CCNA1: variants seen among roughly 807,000 people sequenced by gnomAD.
The protein encoded by CCNA1 is cyclin-A1.
CCNA1 carries 23 observed loss-of-function variants against 54.1 expected under a neutral mutation model. The ratio of observed to expected loss-of-function variants is 0.42; its 90% CI spans 0.31 to 0.60. The LOEUF is 0.60. Among genes scored for constraint, CCNA1 ranks in the 20% least tolerant of loss-of-function variants. CCNA1 has a pLI of 0.14. For missense variants in CCNA1, 450 were observed against 556.7 expected (o/e 0.81, Z 1.93); for synonymous variants, 208 against 213.9 (o/e 0.97, Z 0.24).
intron 6 of CCNA1, among the ~76,000 whole-genome samples, chr13:36,440,857 T>C (rs1408730585): frequency 2.0e-5 from 3 of 152,214 alleles, no homozygotes; most frequent in Admixed American, 2.0e-4. Context: ...ACCTAAACTA[T>C]TAGCATAAGA....
upstream of CCNA1, chr13:36,431,853 G>C (rs1365374945): frequency 1.3e-5 from 2 of 152,692 alleles, no homozygotes; most frequent in Non-Finnish European, 2.9e-5. Flanking sequence ...CAGCCCCGAG[G>C]ACCCCGCGTC....
In CCNA1 at chr13:36,432,577, C is replaced by T. The variant is rs1387754022; in HGVS notation, c.-45C>T. On this transcript the variant is annotated 5_prime_UTR_variant, in exon 1 of 9. Coordinates refer to ENST00000255465, the MANE Select transcript of CCNA1 (RefSeq NM_003914.4). ...CCAGGCAGGTTTTGGGGCCTCCTGT[C>T]TGGTGGGAGGAGGCCGCAGCGCAGC... 7.6e-7 allele frequency: 1 copy of T among 1,310,406 alleles called. No individual in the cohort carries two copies. The highest frequency in any genetic ancestry group is 1.5e-5 in the African/African-American group (1 of 67,634). 81.2% of individuals were successfully genotyped at this position (1,310,406 alleles called of 1,614,324 possible).
chr13:36,437,585 G>A lies in CCNA1; in HGVS notation c.298-44G>A, dbSNP rs1182407547. ...TCATGCAGGTTCACATTGCCTCTGT[G>A]GTCTTTGACGTGGCCTCTAACAAAA... is the stretch of plus-strand genomic sequence containing the variant. On this transcript the variant is annotated intron_variant, in intron 2 of 8. Coordinates refer to ENST00000255465, the MANE Select transcript of CCNA1 (RefSeq NM_003914.4). The A allele has an allele frequency of 3.1e-6, 5 of 1,595,712 alleles. No homozygotes were observed. The East Asian group carries it at 6.7e-5, about 21-fold the overall frequency.
At chr13:36,433,485 CT>C (rs1255754868) in intron 2 of CCNA1, among the ~76,000 whole-genome samples, 1 of 134,594 alleles carries the variant, frequency 7.4e-6, no homozygotes, top group African/African-American at 2.8e-5. Context: ...TTCCTTCTTT[CT>C]TTTTCTTTGT....
In CCNA1 at chr13:36,441,231, G is replaced by A; in HGVS notation, c.1212G>A (p.Trp404Ter). 6.4e-7 allele frequency: 1 copy of A among 1,568,100 alleles called. No homozygotes were observed. The highest frequency in any genetic ancestry group is 1.7e-5 in the Admixed American group (1 of 59,788). The change falls in exon 7 of 9, where the codon TGG (tryptophan) becomes TGA (stop). Residue 404 changes from tryptophan to a stop codon, truncating the protein, a stop_gained and splice_region_variant. Transcript: ENST00000255465. LOFTEE classifies it high-confidence loss of function. ...ACTATACTGTGAACAAGCACTTTTG[G>A]GTAAGATTCTAACTTCTTTCTAGAT...
chr13:36,440,801 G>T (rs1260769283), intron 6 of CCNA1, among the ~76,000 whole-genome samples: 1 of 152,172 alleles, frequency 6.6e-6, no homozygotes, highest in Non-Finnish European at 1.5e-5. Context: ...TAAAATCTCT[G>T]TTCCAATTCC....
Position 36,437,610 on chromosome 13 carries a change from A to G in CCNA1, c.298-19A>G, listed in dbSNP as rs1566171572. The G allele has an allele frequency of 6.2e-7, 1 of 1,611,904 alleles. No homozygotes were observed. Among genetic ancestry groups the G allele is most frequent in the African/African-American group, 1.3e-5 (1 of 74,912 alleles). On this transcript the variant is annotated intron_variant, in intron 2 of 8. Transcript: ENST00000255465. ...GGTCTTTGACGTGGCCTCTAACAAA[A>G]GATTTAAACGTTTTTTAGGGGATCA...
At chr13:36,433,581 G>A (rs1416065159) in intron 2 of CCNA1, among the ~76,000 whole-genome samples, 6 of 124,882 alleles carry the variant, frequency 4.8e-5, no homozygotes, top group Admixed American at 4.0e-4. Context: ...CGCTCTTGTC[G>A]CCAGGCTGGA....
rs1462960839 is a variant in CCNA1, at chr13:36,442,601, G to T, written c.1347-13G>T. 2.5e-6 allele frequency: 4 copies of T among 1,613,762 alleles called. No individual in the cohort carries two copies. Among genetic ancestry groups the T allele is most frequent in the African/African-American group, 1.3e-5 (1 of 75,010 alleles). ...CTTGGCTTGTGCTGACCTTGCTTTGGGTCTTGTTTCAGGTACCTGTGTGTG... is the reference window on the plus strand; with the variant it reads ...CTTGGCTTGTGCTGACCTTGCTTTGTGTCTTGTTTCAGGTACCTGTGTGTG... On this transcript the variant is annotated splice_polypyrimidine_tract_variant and intron_variant, in intron 8 of 8. Coordinates refer to ENST00000255465, the MANE Select transcript of CCNA1 (RefSeq NM_003914.4).
upstream of CCNA1, chr13:36,432,136 G>C (rs1284695724): frequency 1.3e-5 from 2 of 154,276 alleles, no homozygotes; most frequent in African/African-American, 4.8e-5. Flanking sequence ...AACGCCCAGG[G>C]GTCGCGGCGA....
rs773970722 is a variant in CCNA1 at position 36,438,671 on chromosome 13, A to C, written c.697A>C (p.Met233Leu). 13 of 1,613,994 alleles carry C rather than the reference A, an allele frequency of 8.1e-6. No individual in the cohort carries two copies. The highest frequency in any genetic ancestry group is 1.1e-5 in the Non-Finnish European group (13 of 1,179,974). ...AAGGCACAGACCCAAAGCACACTAC[A>C]TGAAGAAGCAGCCAGACATCACGGA... The change falls in exon 5 of 9, where the codon ATG (methionine) becomes CTG (leucine). Residue 233 changes from methionine (M) to leucine (L), a missense_variant. Around this residue, in one of 6 missense-constraint regions of CCNA1, gnomAD observed 150 missense variants for 219.7 expected, o/e 0.68. Coordinates refer to ENST00000255465, the MANE Select transcript of CCNA1 (RefSeq NM_003914.4).
rs76691530 is a variant in CCNA1, at chr13:36,434,834, C to T, written c.297+1613C>T. ...CTGCTGTCATGAGAGGTGCCCCCCC[C>T]CCCGCGCCATGCGTACAATATACTC... On this transcript the variant is annotated intron_variant, in intron 2 of 8. Coordinates refer to ENST00000255465, the MANE Select transcript of CCNA1 (RefSeq NM_003914.4). Among the ~76,000 whole-genome samples, 4 of 61,212 alleles carry T rather than the reference C, an allele frequency of 6.5e-5. No individual in the cohort carries two copies. The Admixed American group carries it at 6.8e-4, about 10-fold the overall frequency. 40.2% of individuals were successfully genotyped at this position (61,212 alleles called of 152,430 possible).
At chr13:36,433,580 C>T (rs1407438032) in intron 2 of CCNA1, among the ~76,000 whole-genome samples, 1 of 136,346 alleles carries the variant, frequency 7.3e-6, no homozygotes, top group Admixed American at 8.1e-5. Flanking sequence ...TCGCTCTTGT[C>T]GCCAGGCTGG....
Position 36,442,832 on chromosome 13 carries a change from G to C in CCNA1, c.*167G>C. ...TTAGACTTTAGTAGTTTGTAATATA[G>C]TCCAACATTTTTTAAACAATAAACT... is the stretch of plus-strand genomic sequence containing the variant. On this transcript the variant is annotated 3_prime_UTR_variant, in exon 9 of 9. Coordinates refer to ENST00000255465, the MANE Select transcript of CCNA1 (RefSeq NM_003914.4). The C allele has an allele frequency of 1.7e-6, 1 of 600,958 alleles. No homozygotes were observed. Among genetic ancestry groups the C allele is most frequent in the South Asian group, 2.3e-5 (1 of 43,872 alleles). The allele number at this position is 600,958 out of a possible 1,614,324, so 37.2% of individuals were successfully genotyped here. A position where few individuals can be genotyped will look rare whatever the true frequency, so the allele number is the denominator to read the frequency against.
intron 6 of CCNA1, among the ~76,000 whole-genome samples, chr13:36,440,736 C>G (rs1181329664): frequency 1.3e-5 from 2 of 152,174 alleles, no homozygotes; most frequent in Admixed American, 6.5e-5. Flanking sequence ...CTGGTGCTGT[C>G]CTAGTCTCTG....
chr13:36,437,529 G>T (rs945374315), intron 2 of CCNA1, 100 bp from the exon 3 acceptor site: 1 of 1,137,162 alleles, frequency 8.8e-7, no homozygotes. Flanking sequence ...AGTTTAGAAT[G>T]TATCTTACCT....
chr13:36,436,535 A>G (rs991860333), intron 2 of CCNA1, among the ~76,000 whole-genome samples: 1 of 152,252 alleles, frequency 6.6e-6, no homozygotes, highest in Non-Finnish European at 1.5e-5. Context: ...TATTAAATAT[A>G]TGTCCCAGCC....
In CCNA1 at chr13:36,442,297, G is replaced by T. The variant is rs758356325; in HGVS notation, c.1339G>T (p.Ala447Ser). 10 of 1,613,570 alleles carry T rather than the reference G, an allele frequency of 6.2e-6. No individual in the cohort carries two copies. Among genetic ancestry groups the T allele is most frequent in the South Asian group, 1.1e-5 (1 of 91,042 alleles). The stretch of plus-strand genomic sequence containing the variant: ...GCAAGCAATTAGGGAGAAGTACAAG[G>T]CTTCAAAGTAAGTCACTGACATTTT... The change falls in exon 8 of 9, where the codon GCT becomes TCT. Residue 447 changes from alanine (A) to serine (S), a missense_variant. Physicochemically the swap from Ala to Ser is moderately conservative, Grantham distance 99. This residue lies in a region of CCNA1 where 53 missense variants were observed against 50.1 expected (regional missense o/e 1.06). Coordinates refer to ENST00000255465, the MANE Select transcript of CCNA1 (RefSeq NM_003914.4).
rs139947692 is a variant in CCNA1 at position 36,439,899 on chromosome 13, C to T, written c.894-80C>T. The T allele has an allele frequency of 3.0e-3, 2,621 of 862,662 alleles. 44 individuals are homozygous for T. Among genetic ancestry groups the T allele is most frequent in the South Asian group, 5.2e-3 (345 of 66,450 alleles). The allele number at this position is 862,662 out of a possible 1,614,324, so 53.4% of individuals were successfully genotyped here. A position where few individuals can be genotyped will look rare whatever the true frequency, so the allele number is the denominator to read the frequency against. ...GCAAAGTAAGTCTGCAAGGGCCATG[C>T]GGAGAGGCGTGGCTTATGGTAGCAC... On this transcript the variant is annotated intron_variant, in intron 5 of 8. Coordinates refer to ENST00000255465, the MANE Select transcript of CCNA1 (RefSeq NM_003914.4).
Sources: gnomAD v4.1 joint callset for allele counts (sites outside exome capture counted in the v4.1 genomes callset) on GRCh38, gnomAD v4.1.1 for gene constraint, gnomAD v4.1.1 regional missense constraint, MANE v1.5 for transcripts, NCBI Gene and HGNC (gene_info 2026-07-23, HGNC 2026-07-21) for gene names.